EPHA6: variants seen among roughly 807,000 people sequenced by gnomAD.
EPHA6 encodes EPH receptor A6.
Under a neutral mutation model 112.0 loss-of-function variants are expected in EPHA6, and 50 were observed. The ratio of observed to expected loss-of-function variants is 0.45; its 90% confidence interval spans 0.36 to 0.56. EPHA6 has a LOEUF of 0.56. Among genes scored for constraint, EPHA6 ranks in the 20% least tolerant of loss-of-function variants. EPHA6 has a pLI of 0.00. For synonymous variants in EPHA6, 529 were observed against 490.7 expected, an observed-to-expected ratio of 1.08 and a Z score of -1.03; for missense variants, 1,280 against 1,417.4, an observed-to-expected ratio of 0.90 and a Z score of 1.56.
At chr3:97,735,225 T>C (rs1331175973) in intron 15 of EPHA6, among the ~76,000 whole-genome samples, 4 of 152,050 alleles carry the variant, frequency 2.6e-5, no homozygotes, top group Non-Finnish European at 5.9e-5. Flanking sequence ...AAAGGGAACA[T>C]TTCTGTCATC....
At chr3:97,057,440 A>G (rs911476278) in intron 3 of EPHA6, among the ~76,000 whole-genome samples, 3 of 152,180 alleles carry the variant, frequency 2.0e-5, no homozygotes, top group Non-Finnish European at 4.4e-5. Context: ...TTCTGTCCTC[A>G]AAAGAGACTT....
chr3:97,610,729 CTT>C lies in EPHA6; in HGVS notation c.2513-63_2513-62del. On this transcript the variant is annotated intron_variant, in intron 12 of 17. Transcript: ENST00000389672. ...ATTTAGTTGCCACAGCTGGGTATCT[CTT>C]AACTGCAGCACATATTTCTGTAATT... 3.0e-6 allele frequency: 4 copies of C among 1,327,036 alleles called. No homozygotes were observed. In the South Asian group the frequency reaches 3.7e-5, roughly 12 times the overall value. 82.2% of individuals were successfully genotyped at this position (1,327,036 alleles called of 1,614,324 possible). A position where few individuals can be genotyped will look rare whatever the true frequency, so the allele number is the denominator to read the frequency against.
At chr3:96,875,423 C>T (rs969922737) in intron 2 of EPHA6, among the ~76,000 whole-genome samples, 1 of 152,040 alleles carries the variant, frequency 6.6e-6, no homozygotes, top group Admixed American at 6.6e-5. Context: ...TCAGAATATT[C>T]CTTCCTGTAC....
intron 1 of EPHA6, among the ~76,000 whole-genome samples, chr3:96,839,431 C>A (rs1403529875): frequency 6.6e-6 from 1 of 152,052 alleles, no homozygotes. Context: ...CTGCTTCCAG[C>A]CCCACATCTG....
At chr3:97,191,953 A>G (rs1435841906) in intron 3 of EPHA6, among the ~76,000 whole-genome samples, 1 of 152,148 alleles carries the variant, frequency 6.6e-6, no homozygotes, top group Non-Finnish European at 1.5e-5. Flanking sequence ...CTGCAAGAGC[A>G]TATGAAGATT....
chr3:97,051,692 T>C (rs911421201), intron 3 of EPHA6, among the ~76,000 whole-genome samples: 3 of 152,096 alleles, frequency 2.0e-5, no homozygotes, highest in African/African-American at 7.2e-5. Flanking sequence ...AGGAGGAAGA[T>C]TGCTTCTAGT....
rs559752591 is a variant in EPHA6, at chr3:97,628,793, T to C, written c.2575-9080T>C. Among the ~76,000 whole-genome samples the C allele has an allele frequency of 2.0e-5, 3 of 152,176 alleles. No individual in the cohort carries two copies. The South Asian group carries it at 6.2e-4, about 32-fold the overall frequency. On this transcript the variant is annotated intron_variant, in intron 13 of 17. Transcript: ENST00000389672. ...ATTTATTAATAATGAGAGCTGTATTTTATTAGCACACTTTTCTTGTAAATT... is the reference window on the plus strand; with the variant it reads ...ATTTATTAATAATGAGAGCTGTATTCTATTAGCACACTTTTCTTGTAAATT...
At chr3:97,481,477 G>C (rs2091542409) in intron 9 of EPHA6, 1 of 1,219,408 alleles carries the variant, frequency 8.2e-7, no homozygotes, top group Non-Finnish European at 1.2e-6. Context: ...AGGCAATAAG[G>C]AAGGCACAAA....
At chr3:97,703,733 TC>T (rs1159443664) in intron 14 of EPHA6, among the ~76,000 whole-genome samples, 1 of 152,206 alleles carries the variant, frequency 6.6e-6, no homozygotes, top group African/African-American at 2.4e-5. Context: ...TGTTTTTGAT[TC>T]CTTGAATTGG....
At chr3:97,324,453 C>CTTTCTTTCT (rs2082301084) in intron 5 of EPHA6, among the ~76,000 whole-genome samples, 1 of 144,088 alleles carries the variant, frequency 6.9e-6, no homozygotes, top group African/African-American at 2.6e-5. Context: ...TTCTTTCTTT[C>CTTTCTTTCT]TTTCTTTCTT....
At chr3:97,014,823 A>C (rs2044211139) in intron 3 of EPHA6, among the ~76,000 whole-genome samples, 1 of 152,182 alleles carries the variant, frequency 6.6e-6, no homozygotes, top group Non-Finnish European at 1.5e-5. Flanking sequence ...TCCTTAACAT[A>C]ACAATGCATG....
chr3:97,239,641 G>T, intron 4 of EPHA6, among the ~76,000 whole-genome samples: 1 of 151,774 alleles, frequency 6.6e-6, no homozygotes, highest in East Asian at 1.9e-4. Flanking sequence ...TCATGATGAA[G>T]GTCTTTGCCC....
chr3:97,690,583 T>C (rs2107706445), intron 14 of EPHA6, among the ~76,000 whole-genome samples: 1 of 152,032 alleles, frequency 6.6e-6, no homozygotes, highest in South Asian at 2.1e-4. Context: ...TTCTCCTACC[T>C]CAGCCTCTTA....
At chr3:97,005,494 T>C (rs1414020125) in intron 3 of EPHA6, among the ~76,000 whole-genome samples, 1 of 152,224 alleles carries the variant, frequency 6.6e-6, no homozygotes, top group Non-Finnish European at 1.5e-5. Context: ...TGGAGTTGCT[T>C]ATCAGTTCAA....
At chr3:97,321,302 T>C (rs552430502) in intron 5 of EPHA6, among the ~76,000 whole-genome samples, 2 of 152,080 alleles carry the variant, frequency 1.3e-5, no homozygotes, top group East Asian at 1.9e-4. Flanking sequence ...CCAATAATTC[T>C]TTAACTGGGC....
At chr3:97,135,627 G>A (rs1191265904) in intron 3 of EPHA6, among the ~76,000 whole-genome samples, 1 of 151,710 alleles carries the variant, frequency 6.6e-6, no homozygotes, top group Non-Finnish European at 1.5e-5. Flanking sequence ...ATTCTGATTT[G>A]CAATATTTCC....
chr3:97,282,946 G>A (rs61068431), intron 5 of EPHA6, among the ~76,000 whole-genome samples: 32,155 of 151,942 alleles, frequency 0.21, 7,854 homozygotes, highest in African/African-American at 0.58. Flanking sequence ...ACATTTACCT[G>A]TGTAACAAAC....
chr3:97,560,043 GA>G (rs528463294), intron 11 of EPHA6, among the ~76,000 whole-genome samples: 3 of 150,674 alleles, frequency 2.0e-5, no homozygotes, highest in South Asian at 2.1e-4. Flanking sequence ...AGAAAAAAAA[GA>G]AAAAAATCCC....
At chr3:96,959,401 A>T (rs987160064) in intron 2 of EPHA6, among the ~76,000 whole-genome samples, 2 of 152,230 alleles carry the variant, frequency 1.3e-5, no homozygotes, top group South Asian at 2.1e-4. Flanking sequence ...TATATTCTGG[A>T]TACAAGTCCT....
Sources: allele counts gnomAD v4.1 joint callset (sites outside exome capture counted in the v4.1 genomes callset), GRCh38; gene constraint gnomAD v4.1.1; transcripts MANE v1.5; gene names NCBI Gene and HGNC (gene_info 2026-07-23, HGNC 2026-07-21).